Variants in CSMD1 observed in about 807,000 individuals in gnomAD.
CSMD1 encodes CUB and sushi domain-containing protein 1.
CSMD1 carries 213 observed loss-of-function variants against 417.5 expected under a neutral mutation model. The observed-to-expected ratio is 0.51, with a 90% CI of 0.46 to 0.57. The LOEUF (loss-of-function observed/expected upper bound fraction) is 0.57. Ranked by LOEUF, CSMD1 falls within the 20% of genes least tolerant of loss-of-function variation. The probability of loss-of-function intolerance (pLI) is 0.00; values close to 1 mark genes in which losing one functional copy is unlikely to be tolerated. For missense variants in CSMD1, 6,923 were observed against 4,529.7 expected (o/e 1.53, Z -15.17); for synonymous variants, 2,862 against 1,736.8 (o/e 1.65, Z -16.11).
At chr8:4,975,809 A>T (rs1563914825) in intron 1 of CSMD1, among the ~76,000 whole-genome samples, 1 of 151,692 alleles carries the variant, frequency 6.6e-6, no homozygotes, top group African/African-American at 2.4e-5. Flanking sequence ...TAGTGTATGC[A>T]TTTTTTTTGC....
At chr8:3,296,957 T>C (rs79928944) in intron 25 of CSMD1, among the ~76,000 whole-genome samples, 3,310 of 152,246 alleles carry the variant, frequency 0.022, 118 homozygotes, top group African/African-American at 0.074. Flanking sequence ...AATAAACATG[T>C]ATGTCTTCAA....
At chr8:3,302,666 C>G (rs1469601419) in intron 25 of CSMD1, among the ~76,000 whole-genome samples, 1 of 152,156 alleles carries the variant, frequency 6.6e-6, no homozygotes, top group East Asian at 1.9e-4. Flanking sequence ...TGAGCAGTCA[C>G]CAGCAGATGT....
intron 23 of CSMD1, among the ~76,000 whole-genome samples, chr8:3,334,896 G>C (rs370664254): frequency 6.6e-6 from 1 of 152,208 alleles, no homozygotes; most frequent in East Asian, 1.9e-4. Context: ...GTCACCACTG[G>C]GTGATCCCAT....
intron 2 of CSMD1, among the ~76,000 whole-genome samples, chr8:4,626,516 GAA>G (rs1802123432): frequency 6.6e-6 from 1 of 152,092 alleles, no homozygotes; most frequent in Non-Finnish European, 1.5e-5. Flanking sequence ...CACGTTGAGA[GAA>G]AGTTATCTGA....
At chr8:3,402,996 T>C (rs1192946624) in intron 15 of CSMD1, among the ~76,000 whole-genome samples, 1 of 152,178 alleles carries the variant, frequency 6.6e-6, no homozygotes, top group Non-Finnish European at 1.5e-5. Context: ...GATGGGATAG[T>C]ATAGGCATTA....
chr8:3,397,988 C>G (rs1811805203), intron 16 of CSMD1, among the ~76,000 whole-genome samples: 1 of 152,182 alleles, frequency 6.6e-6, no homozygotes, highest in African/African-American at 2.4e-5. Flanking sequence ...ACAGATCACA[C>G]ATGTCTAAAA....
intron 3 of CSMD1, among the ~76,000 whole-genome samples, chr8:4,092,663 T>A (rs1800782569): frequency 6.6e-6 from 1 of 152,200 alleles, no homozygotes; most frequent in South Asian, 2.1e-4. Context: ...CCAAACAGAA[T>A]TCAGTAGGTC....
chr8:2,944,809 C>T (rs1242267439), intron 68 of CSMD1, among the ~76,000 whole-genome samples: 1 of 151,692 alleles, frequency 6.6e-6, no homozygotes, highest in Non-Finnish European at 1.5e-5. Flanking sequence ...CTGTCTTATT[C>T]TTATAAATGT....
intron 1 of CSMD1, among the ~76,000 whole-genome samples, chr8:4,688,564 A>T (rs1806542618): frequency 6.6e-6 from 1 of 152,228 alleles, no homozygotes; most frequent in African/African-American, 2.4e-5. Flanking sequence ...ATGGTCTCCC[A>T]CTAAGCAGCA....
chr8:3,988,564 G>A (rs994798909), intron 5 of CSMD1, among the ~76,000 whole-genome samples: 1 of 152,142 alleles, frequency 6.6e-6, no homozygotes, highest in African/African-American at 2.4e-5. Context: ...GCTAGATCAC[G>A]GTCTGCATTT....
intron 3 of CSMD1, among the ~76,000 whole-genome samples, chr8:4,107,192 G>A (rs114812433): frequency 0.015 from 2,271 of 152,280 alleles, 69 homozygotes; most frequent in African/African-American, 0.052. Context: ...CAAAAAGGCT[G>A]AAAAACACTT....
intron 10 of CSMD1, among the ~76,000 whole-genome samples, chr8:3,563,051 T>A (rs1799537909): frequency 6.6e-6 from 1 of 152,098 alleles, no homozygotes; most frequent in South Asian, 2.1e-4. Context: ...CATTCTTTGC[T>A]TGGTCATGAT....
intron 32 of CSMD1, among the ~76,000 whole-genome samples, chr8:3,200,650 G>A (rs1796946551): frequency 6.6e-6 from 1 of 151,928 alleles, no homozygotes. Context: ...AAGCAGTGGT[G>A]GGAGGTGTGT....
chr8:3,806,179 G>C (rs1040351765), intron 5 of CSMD1, among the ~76,000 whole-genome samples: 2 of 152,066 alleles, frequency 1.3e-5, no homozygotes, highest in Non-Finnish European at 2.9e-5. Flanking sequence ...AGATACCTTG[G>C]GTCGTCCATT....
At chr8:3,977,331 C>T (rs1813511167) in intron 5 of CSMD1, among the ~76,000 whole-genome samples, 3 of 152,124 alleles carry the variant, frequency 2.0e-5, no homozygotes, top group Non-Finnish European at 4.4e-5. Flanking sequence ...CAATGTCCTG[C>T]CATACTCAGC....
chr8:3,751,444 TATAA>T (rs1031572930), intron 6 of CSMD1, among the ~76,000 whole-genome samples: 1 of 146,796 alleles, frequency 6.8e-6, no homozygotes, highest in East Asian at 1.9e-4. Flanking sequence ...AGTTTATACA[TATAA>T]ATGTTTATAC....
intron 3 of CSMD1, among the ~76,000 whole-genome samples, chr8:4,225,105 C>G (rs1190136556): frequency 1.3e-5 from 2 of 152,052 alleles, no homozygotes; most frequent in African/African-American, 4.8e-5. Context: ...GAGTGAGACT[C>G]CACCTCAAAA....
At chr8:3,469,702 A>C (rs1482640439) in intron 11 of CSMD1, among the ~76,000 whole-genome samples, 2 of 152,220 alleles carry the variant, frequency 1.3e-5, no homozygotes, top group Non-Finnish European at 2.9e-5. Context: ...GATTTGCCCC[A>C]TCAATCATAT....
chr8:3,955,170 G>C lies in CSMD1; in HGVS notation c.818+42733C>G, dbSNP rs530747548. Among the ~76,000 whole-genome samples, 241 of 152,252 alleles carry C rather than the reference G, an allele frequency of 1.6e-3. 1 individual carries two copies. The highest frequency in any genetic ancestry group is 5.5e-3 in the African/African-American group (228 of 41,560). On this transcript the variant is annotated intron_variant, in intron 5 of 69. Coordinates refer to ENST00000635120, the MANE Select transcript of CSMD1 (RefSeq NM_033225.6). ...AGACAGAAGCACTGACTGTCCTCCT[G>C]TCCTCCACCACCCGTGACCACGTGC...
Sources: gnomAD v4.1 joint callset for allele counts (sites outside exome capture counted in the v4.1 genomes callset) on GRCh38, gnomAD v4.1.1 for gene constraint, MANE v1.5 for transcripts, NCBI Gene and HGNC (gene_info 2026-07-23, HGNC 2026-07-21) for gene names.